DYNC2H1: variants seen among roughly 807,000 people sequenced by gnomAD.
DYNC2H1 encodes the protein cytoplasmic dynein 2 heavy chain 1.
DYNC2H1 carries 410 observed loss-of-function variants against 570.0 expected under a neutral mutation model. That is an observed-to-expected ratio of 0.72 (90% CI 0.66 to 0.78). The LOEUF is 0.78. DYNC2H1 is among the 30% of genes least tolerant of loss of function. The probability of loss-of-function intolerance (pLI) is 0.00; values close to 1 mark genes in which losing one functional copy is unlikely to be tolerated. For synonymous variants in DYNC2H1, 1,688 were observed against 1,677.6 expected, an observed-to-expected ratio of 1.01 and a Z score of -0.15; for missense variants, 4,865 against 5,046.4, an observed-to-expected ratio of 0.96 and a Z score of 1.09.
At chr11:103,194,717 A>C (rs188210263) in intron 47 of DYNC2H1, among the ~76,000 whole-genome samples, 1 of 151,606 alleles carries the variant, frequency 6.6e-6, no homozygotes, top group African/African-American at 2.4e-5. Flanking sequence ...TTTTCCAATC[A>C]AATTTTTTTT....
chr11:103,158,729 C>A lies in DYNC2H1; in HGVS notation c.4180C>A (p.His1394Asn). Residue 1394 changes from histidine (H) to asparagine (N), a missense_variant, in exon 27 of 89, where the codon CAT becomes AAT. Physicochemically the swap from His to Asn is moderately conservative, Grantham distance 68 (BLOSUM62 1). Around this residue, in one of 5 missense-constraint regions of DYNC2H1, gnomAD observed 1,936 missense variants for 1,962.1 expected, o/e 0.99. Coordinates refer to ENST00000375735, the MANE Select transcript of DYNC2H1 (RefSeq NM_001377.3). ...CAATAGAGTCACAACATTAACTACTCATGCTGGAATAAGAAATTCTCTACT... is the reference window on the plus strand; with the variant it reads ...CAATAGAGTCACAACATTAACTACTAATGCTGGAATAAGAAATTCTCTACT... ...KDNRVTTLTTHAGIRNSLLTI... is the reference protein window; with the variant it reads ...KDNRVTTLTTNAGIRNSLLTI... The A allele has an allele frequency of 6.5e-7, 1 of 1,527,202 alleles. No individual in the cohort carries two copies. The highest frequency in any genetic ancestry group is 2.4e-5 in the East Asian group (1 of 41,736). 94.6% of individuals were successfully genotyped at this position (1,527,202 alleles called of 1,614,324 possible). A position where few individuals can be genotyped will look rare whatever the true frequency, so the allele number is the denominator to read the frequency against.
chr11:103,174,149 A>C lies in DYNC2H1; in HGVS notation c.5653A>C (p.Lys1885Gln), dbSNP rs1861696187. The change falls in exon 36 of 89, where the codon AAA (lysine) becomes CAA (glutamine). Residue 1885 changes from lysine to glutamine, a missense_variant. By Grantham distance (53) the Lys-to-Gln change is moderately conservative. Around this residue, in one of 5 missense-constraint regions of DYNC2H1, gnomAD observed 292 missense variants for 300.2 expected, o/e 0.97. Coordinates refer to ENST00000375735, the MANE Select transcript of DYNC2H1 (RefSeq NM_001377.3). ...GSGNLLRQLN[K>Q]SGTTQNANES... ...TGGAAATCTCCTTAGACAGCTAAAC[A>C]AAAGTGGCACTACACAGAATGGTAT... The C allele has an allele frequency of 6.3e-7, 1 of 1,579,782 alleles. No individual in the cohort carries two copies. The highest frequency in any genetic ancestry group is 2.3e-5 in the East Asian group (1 of 43,608).
intron 17 of DYNC2H1, among the ~76,000 whole-genome samples, chr11:103,141,571 C>A (rs138316619): frequency 0.029 from 4,441 of 152,284 alleles, 135 homozygotes; most frequent in Non-Finnish European, 0.034. Context: ...GAAGTTTTGT[C>A]TCAGAGGAGT....
rs1317093659 is a variant in DYNC2H1 at position 103,222,137 on chromosome 11, G to A, written c.9215G>A (p.Gly3072Asp). The change falls in exon 58 of 89, where the codon GGC becomes GAC. Residue 3072 changes from glycine to aspartate, a missense_variant. By Grantham distance (94) the Gly-to-Asp change is moderately conservative. Around this residue, in one of 5 missense-constraint regions of DYNC2H1, gnomAD observed 2,401 missense variants for 2,454.6 expected, o/e 0.98. Coordinates refer to ENST00000375735, the MANE Select transcript of DYNC2H1 (RefSeq NM_001377.3). ...GAAGAACTTCTTTTTAAAAATAAAG[G>A]CTCTTTTGATCCAAAGGTAATTTTT... ...SVEELLFKNK[G>D]SFDPKNAKRA... 2 of 1,566,452 alleles carry A rather than the reference G, an allele frequency of 1.3e-6. No homozygotes were observed. The highest frequency in any genetic ancestry group is 1.7e-6 in the Non-Finnish European group (2 of 1,152,266).
intron 88 of DYNC2H1, among the ~76,000 whole-genome samples, chr11:103,476,249 A>T (rs1215079548): frequency 6.6e-6 from 1 of 151,088 alleles, no homozygotes; most frequent in Non-Finnish European, 1.5e-5. Context: ...CAAATCCCAC[A>T]TTTTTTTTTC....
chr11:103,155,348 G>A lies in DYNC2H1; in HGVS notation c.3591G>A (p.Leu1197=). ...TGTAACAGATCGTAATTCCTATCTT[G>A]AAATATGTGAGAGGGGAGCATCTTT... ...VDKYKIVIPI[L]KYVRGEHLSP... The change falls in exon 25 of 89, where the codon TTG becomes TTA. Residue 1197 remains leucine, a synonymous_variant. Coordinates refer to ENST00000375735, the MANE Select transcript of DYNC2H1 (RefSeq NM_001377.3). The A allele has an allele frequency of 1.3e-6, 2 of 1,597,444 alleles. No individual in the cohort carries two copies. Among genetic ancestry groups the A allele is most frequent in the Non-Finnish European group, 1.7e-6 (2 of 1,174,664 alleles).
chr11:103,122,762 T>A, intron 10 of DYNC2H1, 63 bp from the exon 11 acceptor site: 4 of 1,448,684 alleles, frequency 2.8e-6, no homozygotes, highest in Non-Finnish European at 3.8e-6. Flanking sequence ...AGGGGACTCC[T>A]TACTTTATGC....
intron 70 of DYNC2H1, among the ~76,000 whole-genome samples, chr11:103,272,266 C>T (rs1371085208): frequency 6.6e-6 from 1 of 152,138 alleles, no homozygotes; most frequent in African/African-American, 2.4e-5. Flanking sequence ...AGTTCATGTC[C>T]TTTGTAGGGA....
Position 103,244,591 on chromosome 11 carries a change from C to A in DYNC2H1, c.9919-660C>A, listed in dbSNP as rs1189962597. 1.3e-5 allele frequency among the ~76,000 whole-genome samples: 2 copies of A among 148,586 alleles called. No individual in the cohort carries two copies. The highest frequency in any genetic ancestry group is 3.0e-5 in the Non-Finnish European group (2 of 67,210). The stretch of plus-strand genomic sequence containing the variant: ...ATTATATATAACTATATATGCAAAT[C>A]ATTTATGGTTTGCAATATTATGTAT... On this transcript the variant is annotated intron_variant, in intron 64 of 88. Coordinates refer to ENST00000375735, the MANE Select transcript of DYNC2H1 (RefSeq NM_001377.3). The surrounding 1 kb of genome is among the most constrained non-coding windows in gnomAD (Gnocchi z 4.3).
chr11:103,210,510 G>T lies in DYNC2H1; in HGVS notation c.8539+550G>T, dbSNP rs183368922. Among the ~76,000 whole-genome samples the T allele has an allele frequency of 1.7e-3, 252 of 152,006 alleles. 1 individual carries two copies. The highest frequency in any genetic ancestry group is 5.7e-3 in the African/African-American group (235 of 41,496). On this transcript the variant is annotated intron_variant, in intron 53 of 88. Transcript: ENST00000375735. Reference sequence around the variant, plus strand: ...AACTTGTTTTATACTGTACTGGGCTGGATATTAGAGATCACTTGGTAGCTC... The same window carrying T: ...AACTTGTTTTATACTGTACTGGGCTTGATATTAGAGATCACTTGGTAGCTC...
chr11:103,259,636 A>G lies in DYNC2H1; in HGVS notation c.10606-252A>G, dbSNP rs1202375166. Reference sequence around the variant, plus strand: ...TGATAGGAGACTGATATAAAATTCAACTTATATTGTATTATTGGGAATTGA... The same window carrying G: ...TGATAGGAGACTGATATAAAATTCAGCTTATATTGTATTATTGGGAATTGA... On this transcript the variant is annotated intron_variant, in intron 69 of 88. Coordinates refer to ENST00000375735, the MANE Select transcript of DYNC2H1 (RefSeq NM_001377.3). Among the ~76,000 whole-genome samples, 6 of 152,306 alleles carry G rather than the reference A, an allele frequency of 3.9e-5. No homozygotes were observed. In the East Asian group the frequency reaches 1.2e-3, roughly 29 times the overall value.
At chr11:103,312,661 C>CT (rs1867655628) in intron 79 of DYNC2H1, among the ~76,000 whole-genome samples, 1 of 143,480 alleles carries the variant, frequency 7.0e-6, no homozygotes, top group Admixed American at 7.4e-5. Context: ...TTAATTTGAT[C>CT]TTTTCTGCTA....
intron 65 of DYNC2H1, among the ~76,000 whole-genome samples, chr11:103,250,147 G>A (rs974690028): frequency 9.2e-5 from 14 of 151,562 alleles, no homozygotes; most frequent in Admixed American, 6.6e-5. Flanking sequence ...TGGTTAAGTC[G>A]TATTTTTTTA....
rs764075535 is a variant in DYNC2H1, at chr11:103,120,911, T to C, written c.1249-14T>C. On this transcript the variant is annotated splice_polypyrimidine_tract_variant and intron_variant, in intron 8 of 88. Transcript: ENST00000375735. Reference sequence around the variant, plus strand: ...CCGTTGGGATGAACATGTACTTATTTTATTTTATATTAGCTTCTTCAAGCA... The same window carrying C: ...CCGTTGGGATGAACATGTACTTATTCTATTTTATATTAGCTTCTTCAAGCA... 2 of 1,414,652 alleles carry C rather than the reference T, an allele frequency of 1.4e-6. No individual in the cohort carries two copies. Among genetic ancestry groups the C allele is most frequent in the South Asian group, 1.8e-5 (1 of 54,834 alleles). The allele number at this position is 1,414,652 out of a possible 1,614,324, so 87.6% of individuals were successfully genotyped here.
At chr11:103,117,209 A>G (rs117354128) in intron 5 of DYNC2H1, among the ~76,000 whole-genome samples, 6,619 of 146,818 alleles carry the variant, frequency 0.045, 206 homozygotes, top group Non-Finnish European at 0.064. Flanking sequence ...GAAATTGTAT[A>G]TATATATATA....
At chr11:103,148,738 A>G (rs1220581485) in intron 20 of DYNC2H1, 121 bp downstream of exon 20, 14 of 1,254,336 alleles carry the variant, frequency 1.1e-5, no homozygotes, top group Non-Finnish European at 1.5e-5. Flanking sequence ...GAGGTCCACA[A>G]TAGTCTGGCT....
intron 82 of DYNC2H1, among the ~76,000 whole-genome samples, chr11:103,347,466 A>G (rs1939799168): frequency 6.6e-6 from 1 of 152,010 alleles, no homozygotes; most frequent in Non-Finnish European, 1.5e-5. Context: ...AGTATGTAGG[A>G]ATTAAATAAC....
At chr11:103,416,697 T>G (rs1943295986) in intron 84 of DYNC2H1, among the ~76,000 whole-genome samples, 1 of 152,060 alleles carries the variant, frequency 6.6e-6, no homozygotes, top group Non-Finnish European at 1.5e-5. Context: ...ACCCAGAACC[T>G]AGGCAATACC....
rs769596767 is a variant in DYNC2H1 at position 103,173,297 on chromosome 11, T to A, written c.5550T>A (p.Asn1850Lys). ...VLSRKLVAIF[N>K]LSRELLTPQQ... is the part of the protein sequence containing the mutation. The stretch of plus-strand genomic sequence containing the variant: ...GCAGAAAATTGGTAGCTATTTTCAA[T>A]CTATCTAGGTGAGTTTTCTTGTTCT... The change falls in exon 35 of 89, where the codon AAT becomes AAA. Residue 1850 changes from asparagine (N) to lysine (K), a missense_variant. Asn to Lys is a moderately conservative substitution (Grantham distance 94, BLOSUM62 0). Coordinates refer to ENST00000375735, the MANE Select transcript of DYNC2H1 (RefSeq NM_001377.3). 9 of 1,570,656 alleles carry A rather than the reference T, an allele frequency of 5.7e-6. No individual in the cohort carries two copies. The highest frequency in any genetic ancestry group is 8.6e-7 in the Non-Finnish European group (1 of 1,160,696).
Sources: gnomAD v4.1 joint callset for allele counts (sites outside exome capture counted in the v4.1 genomes callset) on GRCh38, gnomAD v4.1.1 for gene constraint, gnomAD v4.1.1 regional missense constraint, Gnocchi (gnomAD v3.1) non-coding constraint, MANE v1.5 for transcripts, NCBI Gene and HGNC (gene_info 2026-07-23, HGNC 2026-07-21) for gene names.